Variants in DIPK1A observed in about 807,000 individuals in gnomAD.
The protein encoded by DIPK1A is family with sequence similarity 69 member A.
Under a neutral mutation model 40.8 loss-of-function variants are expected in DIPK1A, and 27 were observed. The observed-to-expected ratio is 0.66, with a 90% confidence interval of 0.49 to 0.91. DIPK1A has a LOEUF of 0.91. DIPK1A is among the 40% of genes least tolerant of loss of function. The pLI is 0.00. For synonymous variants in DIPK1A, 166 were observed against 171.3 expected (o/e 0.97, Z 0.24); for missense variants, 412 against 505.7 (o/e 0.81, Z 1.78).
chr1:92,926,940 T>G (rs534800624), intron 1 of DIPK1A, among the ~76,000 whole-genome samples: 1 of 152,348 alleles, frequency 6.6e-6, no homozygotes, highest in African/African-American at 2.4e-5. Flanking sequence ...TTATCCAACT[T>G]GACAATCTCT....
rs1571044340 is a variant in DIPK1A, at chr1:92,843,671, A to T, written c.999T>A (p.Ser333=). 1 of 1,551,766 alleles carries T rather than the reference A, an allele frequency of 6.4e-7. No homozygotes were observed. Residue 333 remains serine, a synonymous_variant, in exon 5 of 5, where the codon TCT becomes TCA. Transcript: ENST00000370310. ...KELIKDRHCE[S]DLDCVYGTDC... ...CTGTGCCATAGACACAGTCCAAATC[A>T]GACTCACAGTGACGATCCTTAATAA...
At position 92,835,022 on chromosome 1, in the gene DIPK1A, G is replaced by C. The variant is rs932410672; in HGVS notation, c.475-1988C>G. 2.7e-5 allele frequency: 41 copies of C among 1,501,836 alleles called. No individual in the cohort carries two copies. In the African/African-American group the frequency reaches 5.5e-4, roughly 20 times the overall value. 93.0% of individuals were successfully genotyped at this position (1,501,836 alleles called of 1,614,324 possible). Reference sequence around the variant, plus strand: ...ATAGCTTAAGTTGTGCTTCAGGAGAGTGCTTGCTTCCAGTTTTCTGCTTTG... The same window carrying C: ...ATAGCTTAAGTTGTGCTTCAGGAGACTGCTTGCTTCCAGTTTTCTGCTTTG... On this transcript the variant is annotated intron_variant, in intron 4 of 4. Coordinates refer to the DIPK1A transcript ENST00000615519.
intron 1 of DIPK1A, among the ~76,000 whole-genome samples, chr1:92,950,834 C>T (rs1651606618): frequency 6.6e-6 from 1 of 152,120 alleles, no homozygotes; most frequent in South Asian, 2.1e-4. Flanking sequence ...ATAGTTATTG[C>T]CAGAAGGATT....
chr1:92,959,484 C>G (rs1419163979), intron 1 of DIPK1A, among the ~76,000 whole-genome samples: 13 of 140,324 alleles, frequency 9.3e-5, no homozygotes, highest in African/African-American at 3.5e-4. Flanking sequence ...CGGAGTCGCA[C>G]TCTGTCGCCC....
intron 1 of DIPK1A, among the ~76,000 whole-genome samples, chr1:92,951,373 G>A (rs576680180): frequency 6.6e-6 from 1 of 152,280 alleles, no homozygotes; most frequent in African/African-American, 2.4e-5. Context: ...TGGAGACTCA[G>A]TCCTGCAACC....
chr1:92,922,437 G>A (rs750071811), intron 1 of DIPK1A, among the ~76,000 whole-genome samples: 2 of 151,326 alleles, frequency 1.3e-5, no homozygotes, highest in Admixed American at 6.6e-5. Flanking sequence ...AATTATTTGC[G>A]CCCAACTACA....
chr1:92,867,367 T>A (rs538215281), intron 2 of DIPK1A, among the ~76,000 whole-genome samples: 2 of 152,112 alleles, frequency 1.3e-5, no homozygotes, highest in African/African-American at 4.8e-5. Context: ...TTACTCCAAT[T>A]CTTATGCTCT....
intron 1 of DIPK1A, among the ~76,000 whole-genome samples, chr1:92,938,961 T>A (rs566497950): frequency 6.6e-6 from 1 of 152,320 alleles, no homozygotes; most frequent in Non-Finnish European, 1.5e-5. Flanking sequence ...GAGGCAGTGG[T>A]GTGATCTCGG....
At chr1:92,837,338 G>A (rs777180796), downstream of DIPK1A, 2 of 880,544 alleles carry the variant, frequency 2.3e-6, no homozygotes, top group Non-Finnish European at 3.9e-6. Context: ...TGGTCCTTTG[G>A]TTGCATATGA....
At chr1:92,937,483 T>G (rs1650989368) in intron 1 of DIPK1A, among the ~76,000 whole-genome samples, 1 of 152,192 alleles carries the variant, frequency 6.6e-6, no homozygotes, top group Admixed American at 6.5e-5. Context: ...ATGCTTTATT[T>G]TTTACAGACT....
At position 92,928,486 on chromosome 1, in the gene DIPK1A, T is replaced by G. The variant is rs1022035554; in HGVS notation, c.54+32890A>C. Among the ~76,000 whole-genome samples, 11 of 152,248 alleles carry G rather than the reference T, an allele frequency of 7.2e-5. 1 individual carries two copies. Among genetic ancestry groups the G allele is most frequent in the African/African-American group, 2.7e-4 (11 of 41,464 alleles). The stretch of plus-strand genomic sequence containing the variant: ...GCCATTTCTATTGATCTTTATTCAT[T>G]TCTGAAGATATGAGTTACCAGTTAG... On this transcript the variant is annotated intron_variant, in intron 1 of 4. Coordinates refer to ENST00000370310, the MANE Select transcript of DIPK1A (RefSeq NM_001006605.5).
At chr1:92,951,748 C>G (rs1008139071) in intron 1 of DIPK1A, among the ~76,000 whole-genome samples, 14 of 152,040 alleles carry the variant, frequency 9.2e-5, no homozygotes, top group Non-Finnish European at 1.6e-4. Context: ...ACTATAAAAT[C>G]CAGTCTAATT....
In DIPK1A at chr1:92,844,022, G is replaced by T. The variant is rs1294739441; in HGVS notation, c.648C>A (p.Pro216=). 1.3e-6 allele frequency: 2 copies of T among 1,552,130 alleles called. No homozygotes were observed. The highest frequency in any genetic ancestry group is 1.7e-6 in the Non-Finnish European group (2 of 1,147,070). ...MVILQDKEHT[P]KLMGFCGDLY... ...GGTCACCACAGAATCCCATTAATTT[G>T]GGGGTATGTTCTTTATCTTGAAGTA... Residue 216 remains proline, a synonymous_variant, in exon 5 of 5, where the codon CCC becomes CCA. Coordinates refer to ENST00000370310, the MANE Select transcript of DIPK1A (RefSeq NM_001006605.5).
At chr1:92,836,221 A>G (rs376960219) in intron 4 of DIPK1A, 22 of 1,612,886 alleles carry the variant, frequency 1.4e-5, no homozygotes, top group Admixed American at 3.3e-5. Context: ...GACAAGATCT[A>G]TGAAGGCCAA....
At chr1:92,882,941 T>C (rs1488162036) in intron 1 of DIPK1A, among the ~76,000 whole-genome samples, 1 of 152,226 alleles carries the variant, frequency 6.6e-6, no homozygotes, top group East Asian at 1.9e-4. Context: ...AGGCTTAGAA[T>C]GTTAAACAGC....
chr1:92,841,725 T>C, downstream of DIPK1A: 1 of 1,284,550 alleles, frequency 7.8e-7, no homozygotes, highest in Non-Finnish European at 1.1e-6. Flanking sequence ...TCTATTCTCT[T>C]CAGTTATAGT....
chr1:92,925,889 G>A (rs1452711064), intron 1 of DIPK1A, among the ~76,000 whole-genome samples: 2 of 152,152 alleles, frequency 1.3e-5, no homozygotes, highest in South Asian at 2.1e-4. Context: ...ATTTATTGGT[G>A]TAAAGTTGTT....
rs1349266688 is a variant in DIPK1A, at chr1:92,843,439, G to A, written c.1231C>T (p.Leu411=). ...NQMEMEHSLI[L]NNLKTLLWKK... Reference sequence around the variant, plus strand: ...CACAATAATGTTTTTAGGTTATTTAGTATCAAAGAATGTTCCATTTCCATT... The same window carrying A: ...CACAATAATGTTTTTAGGTTATTTAATATCAAAGAATGTTCCATTTCCATT... The change falls in exon 5 of 5, where the codon CTA becomes TTA. Residue 411 remains leucine, a synonymous_variant. Coordinates refer to ENST00000370310, the MANE Select transcript of DIPK1A (RefSeq NM_001006605.5). 1 of 1,550,636 alleles carries A rather than the reference G, an allele frequency of 6.4e-7. No homozygotes were observed. Among genetic ancestry groups the A allele is most frequent in the East Asian group, 2.4e-5 (1 of 40,908 alleles).
chr1:92,946,943 CAAAA>C (rs36065493), intron 1 of DIPK1A, among the ~76,000 whole-genome samples: 1 of 108,436 alleles, frequency 9.2e-6, no homozygotes, highest in African/African-American at 4.0e-5. Context: ...GACCCTGTCT[CAAAA>C]AAAAAAAAAA....
Sources: gnomAD v4.1 joint callset for allele counts (sites outside exome capture counted in the v4.1 genomes callset) on GRCh38, gnomAD v4.1.1 for gene constraint, MANE v1.5 for transcripts, NCBI Gene and HGNC (gene_info 2026-07-23, HGNC 2026-07-21) for gene names.